The following TMEM161A variants were observed in gnomAD, a reference collection of about 807,000 sequenced individuals.
TMEM161A encodes the protein transmembrane protein 161A.
In TMEM161A, 46 loss-of-function variants were observed where a neutral mutation model predicts 57.1. The observed-to-expected ratio is 0.81, with a 90% CI of 0.64 to 1.03. TMEM161A has a LOEUF of 1.03. Among genes scored for constraint, TMEM161A ranks in the 50% least tolerant of loss-of-function variants. The probability of loss-of-function intolerance (pLI) is 0.00; values close to 1 mark genes in which losing one functional copy is unlikely to be tolerated. For synonymous variants in TMEM161A, 288 were observed against 279.0 expected (o/e 1.03, Z -0.32); for missense variants, 601 against 621.5 (o/e 0.97, Z 0.35).
At chr19:19,126,948 G>A (rs1002436596) in intron 6 of TMEM161A, among the ~76,000 whole-genome samples, 1 of 137,690 alleles carries the variant, frequency 7.3e-6, no homozygotes, top group African/African-American at 2.6e-5. Flanking sequence ...TTGGGAGCCT[G>A]AGGCATGAGA....
At chr19:19,127,525 T>TG (rs2059936788) in intron 6 of TMEM161A, among the ~76,000 whole-genome samples, 1 of 151,840 alleles carries the variant, frequency 6.6e-6, no homozygotes, top group Admixed American at 6.6e-5. Flanking sequence ...AGTTTCACCA[T>TG]GTTAGCCAGG....
Position 19,130,256 on chromosome 19 carries a change from A to T in TMEM161A, c.495T>A (p.Gly165=), listed in dbSNP as rs1374571561. 9 of 1,613,596 alleles carry T rather than the reference A, an allele frequency of 5.6e-6. No homozygotes were observed. In the South Asian group the frequency reaches 9.9e-5, roughly 18 times the overall value. The change falls in exon 6 of 12, where the codon GGT becomes GGA. Residue 165 remains glycine, a synonymous_variant. Transcript: ENST00000162044. ...CAAAGGTGAGGCAGACAGAGCGCTC[A>T]CCCCCCTCCTCGGCGCTGAAGTACA... ...TRLYFSAEEG[G]ERSVCLTFAF... is the part of the protein sequence containing the mutation.
chr19:19,133,467 C>A, intron 2 of TMEM161A: 1 of 452,876 alleles, frequency 2.2e-6, no homozygotes, highest in Non-Finnish European at 3.9e-6. Flanking sequence ...TGCAACTTTT[C>A]TTTTCTTTTT....
intron 5 of TMEM161A, 106 bp from the exon 6 acceptor site, chr19:19,130,413 C>A: frequency 7.0e-7 from 1 of 1,426,474 alleles, no homozygotes; most frequent in Non-Finnish European, 9.7e-7. Flanking sequence ...CACTGCTGCA[C>A]AAATAGGCCT....
At position 19,132,755 on chromosome 19, in the gene TMEM161A, C is replaced by G; in HGVS notation, c.189-1G>C. On this transcript the variant is annotated splice_acceptor_variant, in intron 3 of 11. Transcript: ENST00000162044. LOFTEE classifies it high-confidence loss of function. This position sits in a 1 kb window ranked among gnomAD's most constrained non-coding sequence, Gnocchi z 4.3. The stretch of plus-strand genomic sequence containing the variant: ...CTCCTCACTAAGGCCATTGGCCCAC[C>G]TGGGAGGATGGTGACAAGCAAGAGG... The G allele has an allele frequency of 6.5e-7, 1 of 1,532,710 alleles. No individual in the cohort carries two copies. The highest frequency in any genetic ancestry group is 2.1e-5 in the Admixed American group (1 of 47,254). The allele number at this position is 1,532,710 out of a possible 1,614,324, so 94.9% of individuals were successfully genotyped here. A position where few individuals can be genotyped will look rare whatever the true frequency, so the allele number is the denominator to read the frequency against.
chr19:19,123,876 A>G (rs375654018), intron 6 of TMEM161A, among the ~76,000 whole-genome samples: 27 of 152,222 alleles, frequency 1.8e-4, no homozygotes, highest in African/African-American at 6.3e-4. Context: ...CCTGGCCAAC[A>G]TGGTGAAACC....
rs79598570 is a variant in TMEM161A at position 19,136,315 on chromosome 19, G to A, written c.4-1428C>T. ...AGGCATAAATAAGCTAAATTTAGTC[G>A]GAAAAACCCTAATGTGATGGGTACC... On this transcript the variant is annotated intron_variant, in intron 1 of 11. Coordinates refer to ENST00000162044, the MANE Select transcript of TMEM161A (RefSeq NM_017814.3). 2.5e-4 allele frequency among the ~76,000 whole-genome samples: 38 copies of A among 152,094 alleles called. No individual in the cohort carries two copies. In the East Asian group the frequency reaches 7.2e-3, roughly 29 times the overall value.
rs377030915 is a variant in TMEM161A at position 19,121,678 on chromosome 19, C to T, written c.657-10G>A. 3 of 1,613,082 alleles carry T rather than the reference C, an allele frequency of 1.9e-6. No individual in the cohort carries two copies. The highest frequency in any genetic ancestry group is 1.3e-5 in the African/African-American group (1 of 75,020). The stretch of plus-strand genomic sequence containing the variant: ...CTTGGCCACAGGAAGCCTAGGAGAA[C>T]ACCAGGTCACGAGCCTGCCTGGGGG... On this transcript the variant is annotated splice_polypyrimidine_tract_variant and intron_variant, in intron 7 of 11. Coordinates refer to ENST00000162044, the MANE Select transcript of TMEM161A (RefSeq NM_017814.3). This position sits in a 1 kb window ranked among gnomAD's most constrained non-coding sequence, Gnocchi z 5.8.
chr19:19,130,453 G>T, intron 5 of TMEM161A, 146 bp from the exon 6 acceptor site: 1 of 964,924 alleles, frequency 1.0e-6, no homozygotes, highest in Non-Finnish European at 1.5e-6. Context: ...TTCGGTTTTG[G>T]GGTGCTGGAT....
intron 6 of TMEM161A, among the ~76,000 whole-genome samples, chr19:19,124,885 G>A (rs996273232): frequency 6.6e-6 from 1 of 152,112 alleles, no homozygotes; most frequent in Non-Finnish European, 1.5e-5. Flanking sequence ...AACCCAGGAG[G>A]CAGAGGTTGT....
intron 1 of TMEM161A, 40 bp from the exon 2 acceptor site, chr19:19,134,927 G>A: frequency 1.4e-6 from 2 of 1,421,682 alleles, no homozygotes; most frequent in Non-Finnish European, 1.9e-6. Context: ...CTGCCAGAGG[G>A]TCACAAGTTC....
chr19:19,119,840 T>G lies in TMEM161A; in HGVS notation c.*90A>C. The G allele has an allele frequency of 6.8e-7, 1 of 1,462,970 alleles. No homozygotes were observed. Among genetic ancestry groups the G allele is most frequent in the South Asian group, 1.3e-5 (1 of 74,766 alleles). The allele number at this position is 1,462,970 out of a possible 1,614,324, so 90.6% of individuals were successfully genotyped here. A position where few individuals can be genotyped will look rare whatever the true frequency, so the allele number is the denominator to read the frequency against. On this transcript the variant is annotated 3_prime_UTR_variant, in exon 12 of 12. Transcript: ENST00000162044. ...GGGGAGTCCGGCCCCACCTTGCAGC[T>G]GGGGACACGGGGGCGCAAACAGAGG...
At chr19:19,120,268 TTCCTCCAGACACTCCCACCCCTG>T in intron 11 of TMEM161A, 85 bp from the exon 12 acceptor site, 1 of 1,189,746 alleles carries the variant, frequency 8.4e-7, no homozygotes, top group South Asian at 1.5e-5. Context: ...GCCAGGCCCA[TTCCTCCAGACACTCCCACCCCTG>T]TCTCAGACTC....
chr19:19,133,962 G>A (rs1489351292), intron 2 of TMEM161A, among the ~76,000 whole-genome samples: 2 of 152,008 alleles, frequency 1.3e-5, no homozygotes, highest in Non-Finnish European at 2.9e-5. Flanking sequence ...GTAGAGACAG[G>A]GTCTTGCCAT....
intron 6 of TMEM161A, among the ~76,000 whole-genome samples, chr19:19,125,746 G>A (rs1030656667): frequency 9.2e-5 from 14 of 151,898 alleles, no homozygotes; most frequent in African/African-American, 2.4e-4. Context: ...TCGATCTGCC[G>A]ACCTCGTGAT....
At chr19:19,123,837 A>G (rs35657593) in intron 6 of TMEM161A, among the ~76,000 whole-genome samples, 17,748 of 152,116 alleles carry the variant, frequency 0.12, 1,307 homozygotes, top group Non-Finnish European at 0.17. Flanking sequence ...CAAGACGGGC[A>G]GATCACAAAG....
At chr19:19,133,237 A>C (rs1308512023) in intron 2 of TMEM161A, 27 bp from the exon 3 acceptor site, 1 of 1,611,942 alleles carries the variant, frequency 6.2e-7, no homozygotes, top group African/African-American at 1.3e-5. Flanking sequence ...GCAGTCAGGG[A>C]AGCTCAGGCG....
At chr19:19,126,560 T>C (rs2059932362) in intron 6 of TMEM161A, among the ~76,000 whole-genome samples, 1 of 152,000 alleles carries the variant, frequency 6.6e-6, no homozygotes, top group Admixed American at 6.6e-5. Flanking sequence ...TCTGTCTCTA[T>C]TAAAAACACA....
chr19:19,123,582 A>C (rs2059919581), intron 6 of TMEM161A, among the ~76,000 whole-genome samples: 1 of 152,260 alleles, frequency 6.6e-6, no homozygotes, highest in Non-Finnish European at 1.5e-5. Context: ...TTAAAGTTAA[A>C]TGACAAAGAC....
Sources: gnomAD v4.1 joint callset for allele counts (sites outside exome capture counted in the v4.1 genomes callset) on GRCh38, gnomAD v4.1.1 for gene constraint, Gnocchi (gnomAD v3.1) non-coding constraint, MANE v1.5 for transcripts, NCBI Gene and HGNC (gene_info 2026-07-23, HGNC 2026-07-21) for gene names.